The following KDSR variants were observed in gnomAD, a reference collection of about 807,000 sequenced individuals.
The protein encoded by KDSR is 3-ketodihydrosphingosine reductase.
Under a neutral mutation model 41.3 loss-of-function variants are expected in KDSR, and 23 were observed. The ratio of observed to expected loss-of-function variants is 0.56; its 90% confidence interval spans 0.40 to 0.79. KDSR has a LOEUF of 0.79. Among genes scored for constraint, KDSR ranks in the 30% least tolerant of loss-of-function variants. The probability of loss-of-function intolerance (pLI) is 0.00; values close to 1 mark genes in which losing one functional copy is unlikely to be tolerated. For synonymous variants in KDSR, 138 were observed against 151.7 expected, an observed-to-expected ratio of 0.91 and a Z score of 0.66; for missense variants, 351 against 416.8, an observed-to-expected ratio of 0.84 and a Z score of 1.37.
At chr18:63,332,559 C>T (rs974340801) in intron 9 of KDSR, among the ~76,000 whole-genome samples, 1 of 152,146 alleles carries the variant, frequency 6.6e-6, no homozygotes, top group East Asian at 1.9e-4. Flanking sequence ...AGGCCGGGCG[C>T]GGTGGCTCAC....
chr18:63,354,645 G>A (rs1914748746), intron 5 of KDSR, among the ~76,000 whole-genome samples: 1 of 152,194 alleles, frequency 6.6e-6, no homozygotes, highest in Admixed American at 6.5e-5. Context: ...TCCAGCCTGA[G>A]TGACAGAGTG....
At chr18:63,363,312 C>T (rs1269368043) in intron 1 of KDSR, among the ~76,000 whole-genome samples, 25 of 140,648 alleles carry the variant, frequency 1.8e-4, no homozygotes, top group Admixed American at 5.0e-4. Flanking sequence ...TGCTGGTGCA[C>T]TGCACCCACT....
intron 2 of KDSR, among the ~76,000 whole-genome samples, chr18:63,361,013 TATAA>T (rs1914952490): frequency 2.7e-5 from 3 of 109,700 alleles, no homozygotes; most frequent in African/African-American, 7.7e-5. Context: ...TATATATATA[TATAA>T]AATATATAAT....
chr18:63,349,993 G>C (rs948749915), intron 6 of KDSR, among the ~76,000 whole-genome samples: 5 of 152,148 alleles, frequency 3.3e-5, no homozygotes, highest in Non-Finnish European at 7.3e-5. Context: ...ATTCCCAAAA[G>C]CACACTCTTA....
In KDSR at chr18:63,343,210, C is replaced by A. The variant is rs150196771; in HGVS notation, c.693+1200G>T. Among the ~76,000 whole-genome samples, 226 of 152,148 alleles carry A rather than the reference C, an allele frequency of 1.5e-3. 3 individuals are homozygous for A. The East Asian group carries it at 0.038, about 26-fold the overall frequency. On this transcript the variant is annotated intron_variant, in intron 7 of 9. Transcript: ENST00000645214. ...CCTTCCACCTTAGCCTCCTGAGTAG[C>A]TGGAACAATTCTAATTTTGCTTATT...
At position 63,367,112 on chromosome 18, in the gene KDSR, G is replaced by A; in HGVS notation, c.7C>T (p.Leu3=). The A allele has an allele frequency of 7.5e-7, 1 of 1,328,898 alleles. No homozygotes were observed. The highest frequency in any genetic ancestry group is 1.5e-5 in the African/African-American group (1 of 66,582). 82.3% of individuals were successfully genotyped at this position (1,328,898 alleles called of 1,614,324 possible). Reference sequence around the variant, plus strand: ...GCCACGAGGAAGGCGGCAGCCAGCAGCAGCATCGCTCCGCGGGGCCAGGGG... The same window carrying A: ...GCCACGAGGAAGGCGGCAGCCAGCAACAGCATCGCTCCGCGGGGCCAGGGG... ML[L]LAAAFLVAFV... Residue 3 remains leucine (L), a synonymous_variant, in exon 1 of 10, where the codon CTG becomes TTG. Coordinates refer to ENST00000645214, the MANE Select transcript of KDSR (RefSeq NM_002035.4).
intron 8 of KDSR, 96 bp from the exon 9 acceptor site, chr18:63,335,454 T>G: frequency 2.5e-6 from 2 of 814,118 alleles, no homozygotes; most frequent in Non-Finnish European, 4.1e-6. Context: ...GCTCGTTCAC[T>G]TTAAGTGAGA....
rs1233380881 is a variant in KDSR at position 63,329,161 on chromosome 18, T to G, written c.*2621A>C. 4 of 205,092 alleles carry G rather than the reference T, an allele frequency of 2.0e-5. No individual in the cohort carries two copies. The highest frequency in any genetic ancestry group is 4.0e-5 in the Non-Finnish European group (4 of 100,270). The allele number at this position is 205,092 out of a possible 1,614,324, so 12.7% of individuals were successfully genotyped here. ...CCTTGTAATATTTTCATGTTTTGGA[T>G]GAAGTCAGCCCATTATGTGAGGCTG... On this transcript the variant is annotated 3_prime_UTR_variant, in exon 10 of 10. Coordinates refer to ENST00000645214, the MANE Select transcript of KDSR (RefSeq NM_002035.4).
At chr18:63,348,301 T>C (rs1215602675) in intron 6 of KDSR, among the ~76,000 whole-genome samples, 3 of 145,156 alleles carry the variant, frequency 2.1e-5, no homozygotes, top group African/African-American at 7.5e-5. Flanking sequence ...AAAGCAAGAC[T>C]CTGTCTTCAG....
chr18:63,357,210 G>A (rs1264417402), intron 3 of KDSR, among the ~76,000 whole-genome samples: 10 of 152,136 alleles, frequency 6.6e-5, no homozygotes, highest in Admixed American at 6.6e-4. Flanking sequence ...CAGGGATGTG[G>A]CGCAACAGAA....
At chr18:63,362,103 T>C (rs1019566772) in intron 2 of KDSR, among the ~76,000 whole-genome samples, 9 of 152,332 alleles carry the variant, frequency 5.9e-5, no homozygotes, top group Admixed American at 5.9e-4. Context: ...AGCACTAGAA[T>C]TGCTGCAGCG....
At chr18:63,360,838 TG>T (rs892857339) in intron 2 of KDSR, among the ~76,000 whole-genome samples, 19 of 145,562 alleles carry the variant, frequency 1.3e-4, no homozygotes, top group African/African-American at 4.9e-4. Context: ...GAGCCGAGAT[TG>T]TGTCACTGCA....
intron 6 of KDSR, chr18:63,345,598 C>T (rs532005127): frequency 6.6e-6 from 1 of 152,234 alleles, no homozygotes; most frequent in Admixed American, 6.5e-5. Flanking sequence ...CAGAAGGGTA[C>T]CCTAGGCTAA....
intron 6 of KDSR, among the ~76,000 whole-genome samples, chr18:63,347,225 C>T (rs982045919): frequency 3.3e-5 from 5 of 151,974 alleles, no homozygotes; most frequent in East Asian, 1.9e-4. Context: ...ATTTGTGGGC[C>T]GGGTGCAGTG....
intron 5 of KDSR, 72 bp downstream of exon 5, chr18:63,355,132 T>TAA: frequency 9.9e-7 from 1 of 1,014,512 alleles, no homozygotes. Flanking sequence ...AATTGATTCT[T>TAA]AAAGCTTTTA....
Position 63,359,769 on chromosome 18 carries a change from T to C in KDSR, c.222A>G (p.Lys74=), listed in dbSNP as rs780142319. ...CATTAATAGAGTGCATTTCAATTTC[T>C]TTCTTTGCCTGCAGCAGCTTATCCT... The part of the protein sequence containing the change: ...RNEDKLLQAK[K]EIEMHSINDK... The change falls in exon 3 of 10, where the codon AAA becomes AAG. Residue 74 remains lysine (K), a synonymous_variant. Transcript: ENST00000645214. 1.2e-6 allele frequency: 2 copies of C among 1,609,808 alleles called. No homozygotes were observed. The highest frequency in any genetic ancestry group is 2.2e-5 in the East Asian group (1 of 44,810).
chr18:63,357,428 G>A, intron 3 of KDSR, among the ~76,000 whole-genome samples: 1 of 148,802 alleles, frequency 6.7e-6, no homozygotes, highest in Non-Finnish European at 1.5e-5. Flanking sequence ...CTGAACTGAT[G>A]AACAAAATGT....
chr18:63,343,208 A>T (rs141986373), intron 7 of KDSR, among the ~76,000 whole-genome samples: 2 of 152,144 alleles, frequency 1.3e-5, no homozygotes, highest in African/African-American at 4.8e-5. Flanking sequence ...CCTCCTGAGT[A>T]GCTGGAACAA....
At chr18:63,342,082 T>A (rs1200905541) in intron 7 of KDSR, among the ~76,000 whole-genome samples, 5 of 145,892 alleles carry the variant, frequency 3.4e-5, no homozygotes, top group African/African-American at 1.3e-4. Flanking sequence ...GGCACGAGAA[T>A]CTCTTGAACC....
Sources: allele counts gnomAD v4.1 joint callset (sites outside exome capture counted in the v4.1 genomes callset), GRCh38; gene constraint gnomAD v4.1.1; transcripts MANE v1.5; gene names NCBI Gene and HGNC (gene_info 2026-07-23, HGNC 2026-07-21).